Variants in FAM135B observed in about 807,000 individuals in gnomAD.
The protein encoded by FAM135B is protein FAM135B.
FAM135B carries 43 observed loss-of-function variants against 127.7 expected under a neutral mutation model. The ratio of observed to expected loss-of-function variants is 0.34; its 90% CI spans 0.26 to 0.43. The LOEUF (loss-of-function observed/expected upper bound fraction) is 0.43. FAM135B is among the 20% of genes least tolerant of loss of function. The pLI is 1.00. For synonymous variants in FAM135B, 670 were observed against 665.1 expected (o/e 1.01, Z -0.11); for missense variants, 1,558 against 1,725.6 (o/e 0.90, Z 1.72).
intron 6 of FAM135B, among the ~76,000 whole-genome samples, chr8:138,246,141 T>C (rs1028243360): frequency 4.6e-5 from 7 of 152,126 alleles, no homozygotes; most frequent in Non-Finnish European, 8.8e-5. Flanking sequence ...GCACAAAAGT[T>C]TGGAAAATTT....
intron 9 of FAM135B, among the ~76,000 whole-genome samples, chr8:138,186,756 G>C (rs949470652): frequency 6.6e-6 from 1 of 152,204 alleles, no homozygotes; most frequent in South Asian, 2.1e-4. Flanking sequence ...CGCCCTAGAA[G>C]AGGAAGGCAA....
intron 7 of FAM135B, among the ~76,000 whole-genome samples, chr8:138,201,422 C>T (rs1431496670): frequency 2.6e-5 from 4 of 151,922 alleles, no homozygotes; most frequent in Admixed American, 2.0e-4. Flanking sequence ...AAATGCTAAT[C>T]CAAAGAGAAA....
At chr8:138,306,454 A>T (rs538376392) in intron 3 of FAM135B, among the ~76,000 whole-genome samples, 2 of 151,038 alleles carry the variant, frequency 1.3e-5, no homozygotes, top group South Asian at 2.1e-4. Context: ...AGAAAAAAAA[A>T]AAAGAAAGAA....
intron 2 of FAM135B, among the ~76,000 whole-genome samples, chr8:138,321,571 AC>A (rs1441452281): frequency 6.6e-6 from 1 of 152,198 alleles, no homozygotes; most frequent in Non-Finnish European, 1.5e-5. Context: ...TGACTGTGTG[AC>A]CTTGAATAAA....
At chr8:138,406,317 T>C (rs1277705482) in intron 1 of FAM135B, among the ~76,000 whole-genome samples, 1 of 152,160 alleles carries the variant, frequency 6.6e-6, no homozygotes, top group Non-Finnish European at 1.5e-5. Flanking sequence ...CACAGCTGAA[T>C]TCTACCAGAG....
intron 1 of FAM135B, among the ~76,000 whole-genome samples, chr8:138,491,265 T>C (rs1313400223): frequency 5.3e-5 from 8 of 151,508 alleles, no homozygotes; most frequent in African/African-American, 1.9e-4. Flanking sequence ...CTTTAAAGAA[T>C]GGGGTGGAAA....
At chr8:138,373,052 G>A (rs1419701140) in intron 1 of FAM135B, among the ~76,000 whole-genome samples, 1 of 152,156 alleles carries the variant, frequency 6.6e-6, no homozygotes, top group Admixed American at 6.5e-5. Flanking sequence ...GTTTGTATTT[G>A]ATTGATGAGG....
intron 1 of FAM135B, chr8:138,425,541 G>A (rs1196346753): frequency 0.012 from 1 of 86 alleles, no homozygotes; most frequent in Admixed American, 0.12. Flanking sequence ...GGTCTCTATA[G>A]TGGCCATCCA....
chr8:138,364,752 C>A (rs1395188877), intron 2 of FAM135B, among the ~76,000 whole-genome samples: 1 of 151,982 alleles, frequency 6.6e-6, no homozygotes, highest in African/African-American at 2.4e-5. Context: ...ATATAATATG[C>A]ATTACAAATA....
intron 1 of FAM135B, among the ~76,000 whole-genome samples, chr8:138,418,516 C>T (rs1209003186): frequency 6.8e-6 from 1 of 146,486 alleles, no homozygotes; most frequent in Admixed American, 7.3e-5. Flanking sequence ...CCAAGGTCAA[C>T]ATGAAAAAAA....
At chr8:138,423,709 T>C (rs1327022742) in intron 1 of FAM135B, among the ~76,000 whole-genome samples, 1 of 152,128 alleles carries the variant, frequency 6.6e-6, no homozygotes, top group Non-Finnish European at 1.5e-5. Context: ...TAACATCTTA[T>C]CAGGAGACAG....
At chr8:138,406,069 C>T (rs7821623) in intron 1 of FAM135B, among the ~76,000 whole-genome samples, 52,778 of 140,952 alleles carry the variant, frequency 0.37, 10,479 homozygotes, top group African/African-American at 0.49. Context: ...GTTGTTTGCT[C>T]CTTTCTTGTA....
chr8:138,274,705 A>G (rs1823671939), intron 3 of FAM135B, among the ~76,000 whole-genome samples: 2 of 151,880 alleles, frequency 1.3e-5, no homozygotes, highest in African/African-American at 4.8e-5. Context: ...TCAGAGACCT[A>G]CCCCCAGCTG....
Position 138,240,885 on chromosome 8 carries a change from T to C in FAM135B, c.669+2057A>G, listed in dbSNP as rs568093135. The stretch of plus-strand genomic sequence containing the variant: ...AGATGAGTGTTGAAAGTGTTTTGAA[T>C]TGATCTGTGACCACTGACATTCCCT... On this transcript the variant is annotated intron_variant, in intron 7 of 19. Transcript: ENST00000395297. Among the ~76,000 whole-genome samples the C allele has an allele frequency of 3.9e-5, 6 of 152,286 alleles. No individual in the cohort carries two copies. The South Asian group carries it at 1.2e-3, about 32-fold the overall frequency.
At chr8:138,365,367 G>C (rs548406605) in intron 2 of FAM135B, among the ~76,000 whole-genome samples, 1 of 152,022 alleles carries the variant, frequency 6.6e-6, no homozygotes, top group South Asian at 2.1e-4. Flanking sequence ...ACTCAACAAG[G>C]GTCTATTGGA....
Position 138,303,451 on chromosome 8 carries a change from G to A in FAM135B, c.157+7390C>T, listed in dbSNP as rs1017742968. On this transcript the variant is annotated intron_variant, in intron 3 of 19. Coordinates refer to ENST00000395297, the MANE Select transcript of FAM135B (RefSeq NM_015912.4). ...GGCCTGTCAGGGGGCAGGGGGCAAG[G>A]GGAGGGAGAGCATTAGGATAAATAC... Among the ~76,000 whole-genome samples, 7 of 152,100 alleles carry A rather than the reference G, an allele frequency of 4.6e-5. No individual in the cohort carries two copies. The South Asian group carries it at 6.2e-4, about 14-fold the overall frequency.
intron 1 of FAM135B, among the ~76,000 whole-genome samples, chr8:138,388,547 G>GT (rs1832353602): frequency 6.6e-6 from 1 of 152,176 alleles, no homozygotes; most frequent in South Asian, 2.1e-4. Flanking sequence ...TGACAATGGA[G>GT]TATTATTCAG....
At chr8:138,213,439 G>C (rs1175465736) in intron 7 of FAM135B, among the ~76,000 whole-genome samples, 2 of 151,698 alleles carry the variant, frequency 1.3e-5, no homozygotes, top group Non-Finnish European at 2.9e-5. Flanking sequence ...AGTTACAGGA[G>C]ACAAACAGAT....
chr8:138,132,468 C>G lies in FAM135B; in HGVS notation c.*125G>C. On this transcript the variant is annotated 3_prime_UTR_variant, in exon 20 of 20. Coordinates refer to ENST00000395297, the MANE Select transcript of FAM135B (RefSeq NM_015912.4). This position sits in a 1 kb window ranked among gnomAD's most constrained non-coding sequence, Gnocchi z 4.5. ...AAGCACCTCTCATGTCAGGTTCCACCCGAGCCTCCGTCCCCCAATGCTGTT... is the reference window on the plus strand; with the variant it reads ...AAGCACCTCTCATGTCAGGTTCCACGCGAGCCTCCGTCCCCCAATGCTGTT... 1 of 772,742 alleles carries G rather than the reference C, an allele frequency of 1.3e-6. No homozygotes were observed. Among genetic ancestry groups the G allele is most frequent in the Non-Finnish European group, 2.2e-6 (1 of 462,940 alleles). The allele number at this position is 772,742 out of a possible 1,614,324, so 47.9% of individuals were successfully genotyped here.
Sources: allele counts gnomAD v4.1 joint callset (sites outside exome capture counted in the v4.1 genomes callset), GRCh38; gene constraint gnomAD v4.1.1; non-coding constraint Gnocchi (gnomAD v3.1); transcripts MANE v1.5; gene names NCBI Gene and HGNC (gene_info 2026-07-23, HGNC 2026-07-21).